CAPN9: variants seen among roughly 807,000 people sequenced by gnomAD.
CAPN9 encodes the protein calpain 9.
A neutral mutation model predicts 92.8 loss-of-function variants in CAPN9; 81 were observed. That is an observed-to-expected ratio of 0.87 (90% CI 0.73 to 1.05). The LOEUF (loss-of-function observed/expected upper bound fraction) is 1.05. CAPN9 is among the 50% of genes least tolerant of loss of function. The probability of loss-of-function intolerance (pLI) is 0.00; values close to 1 mark genes in which losing one functional copy is unlikely to be tolerated. For synonymous variants in CAPN9, 304 were observed against 328.0 expected (o/e 0.93, Z 0.79); for missense variants, 848 against 866.2 (o/e 0.98, Z 0.26).
chr1:230,794,932 C>A (rs1227276567), intron 17 of CAPN9, among the ~76,000 whole-genome samples: 1 of 152,208 alleles, frequency 6.6e-6, no homozygotes, highest in Non-Finnish European at 1.5e-5. Flanking sequence ...AGAAAGCACG[C>A]CTGAGAGTCC....
chr1:230,799,126 T>G (rs548384618), intron 19 of CAPN9, among the ~76,000 whole-genome samples: 2 of 152,274 alleles, frequency 1.3e-5, no homozygotes, highest in South Asian at 4.1e-4. Context: ...GAGTTTCTCC[T>G]CTCCACCAAT....
chr1:230,781,889 G>T (rs1367851987), intron 11 of CAPN9, among the ~76,000 whole-genome samples: 1 of 152,164 alleles, frequency 6.6e-6, no homozygotes, highest in Non-Finnish European at 1.5e-5. Flanking sequence ...AAAAGGCATG[G>T]TTCTTTCTCT....
intron 6 of CAPN9, among the ~76,000 whole-genome samples, chr1:230,770,658 G>T (rs149811747): frequency 2.6e-4 from 39 of 152,212 alleles, no homozygotes; most frequent in Non-Finnish European, 5.3e-4. Context: ...GGGCACAAGG[G>T]GAAGAGAAAG....
At chr1:230,784,986 G>C (rs1400310549) in intron 11 of CAPN9, among the ~76,000 whole-genome samples, 1 of 152,238 alleles carries the variant, frequency 6.6e-6, no homozygotes, top group Non-Finnish European at 1.5e-5. Context: ...CTTTGTACCA[G>C]TGTTCCCTGG....
At chr1:230,795,302 G>A (rs762382841) in intron 18 of CAPN9, 23 bp downstream of exon 18, 6 of 1,463,540 alleles carry the variant, frequency 4.1e-6, no homozygotes, top group Admixed American at 1.7e-5. Flanking sequence ...CGAGGCTGAG[G>A]GTGCACCTCG....
At chr1:230,751,655 GAAAGAAAGAAAGAAAGAA>G (rs879909880) in intron 1 of CAPN9, among the ~76,000 whole-genome samples, 11,115 of 89,462 alleles carry the variant, frequency 0.12, 1,027 homozygotes, top group African/African-American at 0.18. Context: ...AAGAAAGAAA[GAAAGAAAGAAAGAAAGAA>G]AGAAAGAAAG....
intron 8 of CAPN9, chr1:230,776,525 GT>G (rs1375614716): frequency 6.6e-6 from 1 of 152,206 alleles, no homozygotes; most frequent in Non-Finnish European, 1.5e-5. Context: ...CGTTGTGGCA[GT>G]TCTGTAATTC....
chr1:230,787,782 A>T (rs984517675), intron 13 of CAPN9, among the ~76,000 whole-genome samples, 180 bp downstream of exon 13: 27 of 152,196 alleles, frequency 1.8e-4, no homozygotes, highest in African/African-American at 6.3e-4. Context: ...TACAACATTT[A>T]CTTACACAGT....
chr1:230,787,648 G>A, intron 13 of CAPN9, 46 bp downstream of exon 13: 1 of 1,535,128 alleles, frequency 6.5e-7, no homozygotes, highest in Non-Finnish European at 9.0e-7. Context: ...TGAGGGCCTG[G>A]ACCTGCTTCC....
chr1:230,792,570 G>C, intron 16 of CAPN9, 76 bp downstream of exon 16: 1 of 1,122,982 alleles, frequency 8.9e-7, no homozygotes, highest in Admixed American at 1.7e-5. Context: ...AAATGGTGCA[G>C]CAGGCTGCAG....
intron 15 of CAPN9, 29 bp downstream of exon 15, chr1:230,791,957 A>G (rs372185391): frequency 6.6e-7 from 1 of 1,524,374 alleles, no homozygotes; most frequent in African/African-American, 1.4e-5. Context: ...GAGCAGAAAT[A>G]GACATGGATC....
chr1:230,749,413 G>A, intron 1 of CAPN9, among the ~76,000 whole-genome samples: 1 of 152,212 alleles, frequency 6.6e-6, no homozygotes. Context: ...ACGACCATTA[G>A]GTCTCCCTGG....
intron 13 of CAPN9, among the ~76,000 whole-genome samples, chr1:230,788,858 T>C (rs1327587330): frequency 6.6e-6 from 1 of 152,058 alleles, no homozygotes; most frequent in Non-Finnish European, 1.5e-5. Flanking sequence ...TGCGCAGAAG[T>C]TGTCAGATGG....
chr1:230,752,569 G>C (rs1482103308), intron 1 of CAPN9: 2 of 503,796 alleles, frequency 4.0e-6, no homozygotes, highest in Non-Finnish European at 5.1e-6. Context: ...TACGGTTGGC[G>C]GGGCCAGGCC....
intron 12 of CAPN9, 102 bp downstream of exon 12, chr1:230,786,119 G>A: frequency 6.2e-7 from 1 of 1,601,584 alleles, no homozygotes; most frequent in Non-Finnish European, 8.5e-7. Flanking sequence ...GTTCAGGGAT[G>A]GTTACATGCA....
chr1:230,751,478 G>T (rs61828378), intron 1 of CAPN9, among the ~76,000 whole-genome samples: 1 of 147,276 alleles, frequency 6.8e-6, no homozygotes, highest in East Asian at 2.0e-4. Context: ...GGGAAGGAAG[G>T]GAAGGGAGGA....
chr1:230,795,054 T>C lies in CAPN9; in HGVS notation c.1871-109T>C, dbSNP rs910041946. The C allele has an allele frequency of 9.9e-6, 7 of 703,972 alleles. No individual in the cohort carries two copies. The African/African-American group carries it at 1.1e-4, about 11-fold the overall frequency. The allele number at this position is 703,972 out of a possible 1,614,324, so 43.6% of individuals were successfully genotyped here. ...CAGCTTTGAGGAGTGAAACAGTGGC[T>C]TCCTCTTCTGAGCCCTCTCCTCAGC... On this transcript the variant is annotated intron_variant, in intron 17 of 19. Coordinates refer to ENST00000271971, the MANE Select transcript of CAPN9 (RefSeq NM_006615.3).
intron 3 of CAPN9, among the ~76,000 whole-genome samples, chr1:230,761,436 G>A (rs928199033): frequency 1.3e-5 from 2 of 152,050 alleles, no homozygotes; most frequent in African/African-American, 2.4e-5. Flanking sequence ...GCCCAGGCCC[G>A]AACTTTAAAC....
intron 11 of CAPN9, among the ~76,000 whole-genome samples, chr1:230,783,610 C>T (rs1667375912): frequency 6.6e-6 from 1 of 152,190 alleles, no homozygotes; most frequent in South Asian, 2.1e-4. Context: ...AAGTTAACTT[C>T]TAGGGAATAC....
Sources: gnomAD v4.1 joint callset for allele counts (sites outside exome capture counted in the v4.1 genomes callset) on GRCh38, gnomAD v4.1.1 for gene constraint, MANE v1.5 for transcripts, NCBI Gene and HGNC (gene_info 2026-07-23, HGNC 2026-07-21) for gene names.